Variants in GRM3 observed in about 807,000 individuals in gnomAD.
GRM3 encodes glutamate metabotropic receptor 3.
Under a neutral mutation model 70.5 loss-of-function variants are expected in GRM3, and 26 were observed. That is an observed-to-expected ratio of 0.37 (90% CI 0.27 to 0.51). GRM3 has a LOEUF of 0.51. GRM3 is among the 20% of genes least tolerant of loss of function. The probability of loss-of-function intolerance (pLI) is 0.93; values close to 1 mark genes in which losing one functional copy is unlikely to be tolerated. For synonymous variants in GRM3, 443 were observed against 434.9 expected, an observed-to-expected ratio of 1.02 and a Z score of -0.23; for missense variants, 859 against 1,123.8, an observed-to-expected ratio of 0.76 and a Z score of 3.37.
intron 3 of GRM3, among the ~76,000 whole-genome samples, chr7:86,832,831 A>G (rs1221649480): frequency 4.6e-5 from 7 of 152,178 alleles, no homozygotes; most frequent in Admixed American, 4.6e-4. Context: ...GTCAGAACTA[A>G]TTGGATAATA....
chr7:86,770,869 C>T (rs943293472), intron 2 of GRM3, among the ~76,000 whole-genome samples: 1 of 152,012 alleles, frequency 6.6e-6, no homozygotes, highest in African/African-American at 2.4e-5. Context: ...TCTAGAGCAA[C>T]CTTGGCACTA....
intron 5 of GRM3, among the ~76,000 whole-genome samples, chr7:86,856,972 G>T (rs1798862090): frequency 6.6e-6 from 1 of 151,890 alleles, no homozygotes; most frequent in African/African-American, 2.4e-5. Context: ...CTATCTACTA[G>T]ATACTTTAGG....
intron 2 of GRM3, among the ~76,000 whole-genome samples, chr7:86,778,342 A>C (rs1327955957): frequency 2.0e-5 from 3 of 152,172 alleles, no homozygotes; most frequent in African/African-American, 4.8e-5. Context: ...AGAAGCCAAT[A>C]ACTGTAAAAC....
At chr7:86,813,519 T>C (rs1797955441) in intron 3 of GRM3, among the ~76,000 whole-genome samples, 1 of 151,844 alleles carries the variant, frequency 6.6e-6, no homozygotes, top group Admixed American at 6.6e-5. Flanking sequence ...TTTAAAGCGT[T>C]ATTAACATTA....
At chr7:86,769,856 AG>A (rs1422453058) in intron 2 of GRM3, among the ~76,000 whole-genome samples, 1 of 152,164 alleles carries the variant, frequency 6.6e-6, no homozygotes, top group East Asian at 1.9e-4. Flanking sequence ...CTTCTATATT[AG>A]CAAATATATG....
intron 1 of GRM3, among the ~76,000 whole-genome samples, chr7:86,709,417 A>G (rs1795140600): frequency 6.6e-6 from 1 of 152,000 alleles, no homozygotes; most frequent in African/African-American, 2.4e-5. Context: ...CCCTCATTCT[A>G]ATGGCCCAAG....
Position 86,864,615 on chromosome 7 carries a change from G to T in GRM3, c.*260G>T. On this transcript the variant is annotated 3_prime_UTR_variant, in exon 6 of 6. Transcript: ENST00000361669. ...GAGCTGAGCATTGGTGACAGGGTCT[G>T]ACATGGTCAGTCTACTAAAAAACAA... is the stretch of plus-strand genomic sequence containing the variant. 9.4e-6 allele frequency: 2 copies of T among 212,126 alleles called. No individual in the cohort carries two copies. The allele number at this position is 212,126 out of a possible 1,614,324, so 13.1% of individuals were successfully genotyped here.
At chr7:86,802,291 A>G (rs532447939) in intron 3 of GRM3, among the ~76,000 whole-genome samples, 1 of 152,282 alleles carries the variant, frequency 6.6e-6, no homozygotes, top group Middle Eastern at 3.4e-3. Context: ...CTTCCTAAAA[A>G]GAAAAGAAAA....
chr7:86,713,083 A>G (rs1349954967), intron 1 of GRM3, among the ~76,000 whole-genome samples: 3 of 152,014 alleles, frequency 2.0e-5, no homozygotes, highest in Non-Finnish European at 4.4e-5. Context: ...ACTAATTTGC[A>G]TTCCTACCAG....
At chr7:86,723,605 G>T (rs1795524827) in intron 1 of GRM3, among the ~76,000 whole-genome samples, 2 of 152,166 alleles carry the variant, frequency 1.3e-5, no homozygotes, top group African/African-American at 4.8e-5. Flanking sequence ...AAATATATTT[G>T]CAGCTCATTG....
chr7:86,839,708 G>A lies in GRM3; in HGVS notation c.2194G>A (p.Val732Ile). 1 of 1,614,120 alleles carries A rather than the reference G, an allele frequency of 6.2e-7. No homozygotes were observed. The highest frequency in any genetic ancestry group is 8.5e-7 in the Non-Finnish European group (1 of 1,179,990). Residue 732 changes from valine to isoleucine, a missense_variant, in exon 4 of 6, where the codon GTC becomes ATC. Transcript: ENST00000361669. The surrounding 1 kb of genome is among the most constrained non-coding windows in gnomAD (Gnocchi z 4.5). ...KRETVILKCN[V>I]KDSSMLISLT... ...GGAAACAGTCATCCTAAAATGCAATGTCAAAGATTCCAGCATGTTGATCTC... is the reference window on the plus strand; with the variant it reads ...GGAAACAGTCATCCTAAAATGCAATATCAAAGATTCCAGCATGTTGATCTC...
chr7:86,727,266 T>G (rs1795613911), intron 1 of GRM3, among the ~76,000 whole-genome samples: 1 of 152,124 alleles, frequency 6.6e-6, no homozygotes, highest in Non-Finnish European at 1.5e-5. Flanking sequence ...TAGAAAGACA[T>G]GCAAAGTTCA....
At chr7:86,747,617 T>C (rs906087557) in intron 1 of GRM3, among the ~76,000 whole-genome samples, 1 of 152,088 alleles carries the variant, frequency 6.6e-6, no homozygotes, top group African/African-American at 2.4e-5. Context: ...AAGACTCAAT[T>C]GGGATACCTT....
chr7:86,853,834 T>C lies in GRM3; in HGVS notation c.2566+3290T>C, dbSNP rs116660066. ...GTCAGGAATTCAGACAGGGCTTGGTTCATCTGCTCCATGAGGCTGACGTTC... is the reference window on the plus strand; with the variant it reads ...GTCAGGAATTCAGACAGGGCTTGGTCCATCTGCTCCATGAGGCTGACGTTC... On this transcript the variant is annotated intron_variant, in intron 5 of 5. Coordinates refer to ENST00000361669, the MANE Select transcript of GRM3 (RefSeq NM_000840.3). Among the ~76,000 whole-genome samples, 636 of 152,300 alleles carry C rather than the reference T, an allele frequency of 4.2e-3. 6 individuals carry two copies. Among genetic ancestry groups the C allele is most frequent in the African/African-American group, 0.015 (613 of 41,560 alleles).
Position 86,745,723 on chromosome 7 carries a change from T to C in GRM3, c.-140-19283T>C, listed in dbSNP as rs1013430487. Among the ~76,000 whole-genome samples, 49 of 152,094 alleles carry C rather than the reference T, an allele frequency of 3.2e-4. 2 individuals are homozygous for C. Among genetic ancestry groups the C allele is most frequent in the Non-Finnish European group, 4.4e-5 (3 of 68,008 alleles). ...GTATACATGCCTAATTTTTCTGTCA[T>C]TCATGGCTAGGAGAAATTTTTAAAA... On this transcript the variant is annotated intron_variant, in intron 1 of 5. Coordinates refer to ENST00000361669, the MANE Select transcript of GRM3 (RefSeq NM_000840.3).
intron 1 of GRM3, among the ~76,000 whole-genome samples, chr7:86,714,104 T>C (rs1357283514): frequency 2.0e-5 from 3 of 152,042 alleles, no homozygotes; most frequent in Non-Finnish European, 4.4e-5. Flanking sequence ...TTCTCTCCCT[T>C]ACTGCTGCTC....
intron 1 of GRM3, 35 bp downstream of exon 1, chr7:86,644,907 G>A (rs1447529590): frequency 8.3e-7 from 1 of 1,206,478 alleles, no homozygotes; most frequent in East Asian, 5.7e-5. Context: ...TCCCTCTGGA[G>A]GGCGCCCAGC....
intron 1 of GRM3, among the ~76,000 whole-genome samples, chr7:86,726,572 C>T (rs758443282): frequency 6.6e-6 from 1 of 152,246 alleles, no homozygotes; most frequent in Admixed American, 6.5e-5. Context: ...CATCACTAAC[C>T]ATTTCCCCCA....
chr7:86,808,556 T>G (rs1368844712), intron 3 of GRM3, among the ~76,000 whole-genome samples: 2 of 151,318 alleles, frequency 1.3e-5, no homozygotes, highest in Non-Finnish European at 2.9e-5. Context: ...TGAAGAAAAA[T>G]ATAGCACGCC....
Sources: allele counts gnomAD v4.1 joint callset (sites outside exome capture counted in the v4.1 genomes callset), GRCh38; gene constraint gnomAD v4.1.1; non-coding constraint Gnocchi (gnomAD v3.1); transcripts MANE v1.5; gene names NCBI Gene and HGNC (gene_info 2026-07-23, HGNC 2026-07-21).